The following ATP8A1 variants were observed in gnomAD, a reference collection of about 807,000 sequenced individuals.
The protein encoded by ATP8A1 is ATPase phospholipid transporting 8A1.
ATP8A1 carries 90 observed loss-of-function variants against 177.7 expected under a neutral mutation model. That is an observed-to-expected ratio of 0.51 (90% confidence interval 0.43 to 0.60). The LOEUF (loss-of-function observed/expected upper bound fraction) is 0.60. Among genes scored for constraint, ATP8A1 ranks in the 20% least tolerant of loss-of-function variants. The pLI is 0.00. For missense variants in ATP8A1, 1,072 were observed against 1,392.8 expected (o/e 0.77, Z 3.67); for synonymous variants, 493 against 485.9 (o/e 1.01, Z -0.19).
chr4:42,492,188 C>T (rs956204714), intron 24 of ATP8A1, among the ~76,000 whole-genome samples: 3 of 151,970 alleles, frequency 2.0e-5, no homozygotes, highest in Non-Finnish European at 2.9e-5. Flanking sequence ...CATTTAGGTC[C>T]AAACAAAAAC....
chr4:42,426,900 G>A (rs893076572), intron 33 of ATP8A1, among the ~76,000 whole-genome samples: 5 of 152,202 alleles, frequency 3.3e-5, no homozygotes, highest in Middle Eastern at 3.4e-3. Flanking sequence ...TTTAGAAAAT[G>A]GAGAAAAATA....
rs76059438 is a variant in ATP8A1 at position 42,606,167 on chromosome 4, C to T, written c.410-5649G>A. On this transcript the variant is annotated intron_variant, in intron 5 of 36. Coordinates refer to ENST00000381668, the MANE Select transcript of ATP8A1 (RefSeq NM_006095.2). ...CATGGCACAGATGTGTCAATTACAA[C>T]GGGTTGGATAATTAGGTGGACACAC... Among the ~76,000 whole-genome samples, 661 of 152,214 alleles carry T rather than the reference C, an allele frequency of 4.3e-3. 9 individuals are homozygous for T. The highest frequency in any genetic ancestry group is 0.015 in the African/African-American group (611 of 41,520).
chr4:42,574,135 C>G (rs957568153), intron 14 of ATP8A1, among the ~76,000 whole-genome samples: 11 of 152,154 alleles, frequency 7.2e-5, no homozygotes, highest in Non-Finnish European at 1.5e-4. Context: ...CCTCCAGATT[C>G]AAGAGTTTCA....
At chr4:42,429,956 T>G (rs1308602898) in intron 33 of ATP8A1, among the ~76,000 whole-genome samples, 2 of 152,164 alleles carry the variant, frequency 1.3e-5, no homozygotes, top group East Asian at 3.8e-4. Flanking sequence ...TGGTGACTGC[T>G]AGGGGTTAGG....
intron 1 of ATP8A1, among the ~76,000 whole-genome samples, chr4:42,634,994 C>T (rs1358481439): frequency 6.6e-6 from 1 of 152,100 alleles, no homozygotes; most frequent in African/African-American, 2.4e-5. Context: ...AGATTAATCT[C>T]GCCTTCAAAA....
chr4:42,415,191 T>C (rs4321668), intron 35 of ATP8A1: 20,715 of 152,868 alleles, frequency 0.14, 1,537 homozygotes, highest in Middle Eastern at 0.18. Context: ...TTAAAAATAT[T>C]AAAGTAAATA....
intron 5 of ATP8A1, among the ~76,000 whole-genome samples, chr4:42,601,915 GTGTT>G (rs1735311401): frequency 1.7e-5 from 1 of 59,924 alleles, no homozygotes; most frequent in Non-Finnish European, 4.5e-5. Context: ...TTTGAACTCA[GTGTT>G]TCACAATATA....
chr4:42,519,569 C>T (rs992482522), intron 22 of ATP8A1, among the ~76,000 whole-genome samples: 5 of 152,106 alleles, frequency 3.3e-5, no homozygotes, highest in South Asian at 2.1e-4. Flanking sequence ...TTGCTCAGAC[C>T]GTGGTACCCA....
At chr4:42,522,535 G>A (rs1244326804) in intron 21 of ATP8A1, among the ~76,000 whole-genome samples, 1 of 152,110 alleles carries the variant, frequency 6.6e-6, no homozygotes, top group Non-Finnish European at 1.5e-5. Flanking sequence ...CATCTTCCAT[G>A]CATAGTGTGG....
chr4:42,583,748 A>G (rs1230603684), intron 9 of ATP8A1, among the ~76,000 whole-genome samples: 1 of 152,230 alleles, frequency 6.6e-6, no homozygotes, highest in African/African-American at 2.4e-5. Flanking sequence ...ACAGATACAA[A>G]GGTCTTGAAA....
At chr4:42,603,205 T>C (rs1735474267) in intron 5 of ATP8A1, among the ~76,000 whole-genome samples, 1 of 152,224 alleles carries the variant, frequency 6.6e-6, no homozygotes, top group Non-Finnish European at 1.5e-5. Flanking sequence ...AGTCTTCCAA[T>C]TCACGGACAA....
chr4:42,448,288 T>C (rs879653226), intron 30 of ATP8A1, among the ~76,000 whole-genome samples: 12 of 152,004 alleles, frequency 7.9e-5, no homozygotes, highest in African/African-American at 2.4e-4. Flanking sequence ...CACAGTGATA[T>C]GGAGTTACAA....
intron 5 of ATP8A1, among the ~76,000 whole-genome samples, chr4:42,608,961 A>G (rs1253766164): frequency 6.6e-6 from 1 of 152,218 alleles, no homozygotes; most frequent in African/African-American, 2.4e-5. Context: ...GACATGGCAC[A>G]GGAAGAGTCT....
intron 1 of ATP8A1, among the ~76,000 whole-genome samples, chr4:42,630,257 G>T (rs775323551): frequency 6.6e-6 from 1 of 152,134 alleles, no homozygotes; most frequent in Non-Finnish European, 1.5e-5. Flanking sequence ...AACTAAGATG[G>T]TATTCCTTCT....
chr4:42,423,443 G>A (rs775968018), intron 34 of ATP8A1, among the ~76,000 whole-genome samples, 174 bp downstream of exon 34: 84 of 151,944 alleles, frequency 5.5e-4, no homozygotes, highest in South Asian at 4.1e-4. Context: ...TACTCATTTC[G>A]TCTTTTAAAC....
At chr4:42,416,025 A>T (rs1439651042) in intron 35 of ATP8A1, among the ~76,000 whole-genome samples, 4 of 152,248 alleles carry the variant, frequency 2.6e-5, no homozygotes, top group African/African-American at 9.6e-5. Flanking sequence ...AAACTAATTA[A>T]TCTAAAACTC....
chr4:42,566,950 A>G (rs1024772682), intron 15 of ATP8A1, among the ~76,000 whole-genome samples: 8 of 152,238 alleles, frequency 5.3e-5, no homozygotes, highest in African/African-American at 1.9e-4. Context: ...ACACTATCCA[A>G]AGCACTACAC....
intron 20 of ATP8A1, among the ~76,000 whole-genome samples, chr4:42,536,780 T>C (rs925685803): frequency 1.3e-5 from 2 of 152,174 alleles, no homozygotes; most frequent in African/African-American, 2.4e-5. Context: ...GATGCAGAGA[T>C]GGTTTAACAT....
chr4:42,543,852 T>G (rs1700707041), intron 20 of ATP8A1, 65 bp downstream of exon 20: 2 of 1,172,118 alleles, frequency 1.7e-6, no homozygotes. Context: ...TTCCATAGAA[T>G]GCCTAACATA....
Sources: allele counts gnomAD v4.1 joint callset (sites outside exome capture counted in the v4.1 genomes callset), GRCh38; gene constraint gnomAD v4.1.1; transcripts MANE v1.5; gene names NCBI Gene and HGNC (gene_info 2026-07-23, HGNC 2026-07-21).